ABCA10: variants seen among roughly 807,000 people sequenced by gnomAD.
ABCA10 encodes the protein ATP-binding cassette sub-family A member 10.
In ABCA10, 169 loss-of-function variants were observed where a neutral mutation model predicts 187.5. That is an observed-to-expected ratio of 0.90 (90% CI 0.80 to 1.02). The LOEUF is 1.02. ABCA10 is among the 50% of genes least tolerant of loss of function. ABCA10 has a pLI of 0.00. For synonymous variants in ABCA10, 574 were observed against 601.8 expected (o/e 0.95, Z 0.68); for missense variants, 1,727 against 1,812.4 (o/e 0.95, Z 0.86).
At chr17:69,237,940 A>G (rs2074881908) in intron 1 of ABCA10, among the ~76,000 whole-genome samples, 1 of 152,106 alleles carries the variant, frequency 6.6e-6, no homozygotes, top group Admixed American at 6.6e-5. Flanking sequence ...AGGTGGGTGG[A>G]TTATGAGGTC....
intron 19 of ABCA10, 57 bp from the exon 20 acceptor site, chr17:69,185,700 G>A: frequency 7.1e-7 from 1 of 1,402,496 alleles, no homozygotes; most frequent in Non-Finnish European, 9.8e-7. Context: ...GGTTATTTAA[G>A]TCACAAAGAT....
intron 22 of ABCA10, among the ~76,000 whole-genome samples, chr17:69,176,460 A>T (rs2074334586): frequency 6.6e-6 from 1 of 152,148 alleles, no homozygotes; most frequent in Non-Finnish European, 1.5e-5. Context: ...TTTTTGTCAT[A>T]AATGCAGGTG....
chr17:69,197,733 C>T (rs1159180208), intron 10 of ABCA10, among the ~76,000 whole-genome samples: 1 of 152,198 alleles, frequency 6.6e-6, no homozygotes, highest in African/African-American at 2.4e-5. Flanking sequence ...CTGGCTTCTA[C>T]ACTTTGGTTC....
chr17:69,153,839 A>C lies in ABCA10; in HGVS notation c.3957T>G (p.Ser1319Arg). Residue 1319 changes from serine to arginine, a missense_variant, in exon 32 of 39, where the codon AGT (serine) becomes AGG (arginine). Transcript: ENST00000690296. ...GAGACTTCTCTCTGTACCGTGAAATACTGAGAGCAGCATCTTCTTTGCCCA... is the reference window on the plus strand; with the variant it reads ...GAGACTTCTCTCTGTACCGTGAAATCCTGAGAGCAGCATCTTCTTTGCCCA... ...KGLGKEDAAL[S>R]ISRLVEALKL... The C allele has an allele frequency of 3.1e-6, 5 of 1,613,144 alleles. No individual in the cohort carries two copies. Among genetic ancestry groups the C allele is most frequent in the Non-Finnish European group, 4.2e-6 (5 of 1,179,594 alleles).
chr17:69,191,316 C>T lies in ABCA10; in HGVS notation c.1872-1G>A, dbSNP rs370216868. On this transcript the variant is annotated splice_acceptor_variant, in intron 16 of 38. Coordinates refer to ENST00000690296, the MANE Select transcript of ABCA10 (RefSeq NM_001377321.1). LOFTEE classifies it high-confidence loss of function. ...GTCACACATTTCATTCCTGTGTAAA[C>T]TATTATTTCAAAAGAGCCATAAGTC... The T allele has an allele frequency of 6.5e-7, 1 of 1,535,378 alleles. No individual in the cohort carries two copies. Among genetic ancestry groups the T allele is most frequent in the Middle Eastern group, 1.7e-4 (1 of 5,820 alleles).
At chr17:69,155,209 T>C (rs2074164537) in intron 29 of ABCA10, 73 bp from the exon 30 acceptor site, 1 of 1,223,972 alleles carries the variant, frequency 8.2e-7, no homozygotes, top group East Asian at 2.3e-5. Flanking sequence ...TTATTTTCCA[T>C]TCCCTAGTCT....
At chr17:69,227,688 C>T (rs2074805105) in intron 1 of ABCA10, among the ~76,000 whole-genome samples, 1 of 151,878 alleles carries the variant, frequency 6.6e-6, no homozygotes, top group South Asian at 2.1e-4. Context: ...TTTGCAGTTC[C>T]TTGTCAGTCA....
chr17:69,193,959 G>T lies in ABCA10; in HGVS notation c.1376C>A (p.Ser459Tyr). Reference sequence around the variant, plus strand: ...AATTTCTTCCATGTCAGTTATTTCAGAGAGTTGAGTATTATAAATAGTGGC... The same window carrying T: ...AATTTCTTCCATGTCAGTTATTTCATAGAGTTGAGTATTATAAATAGTGGC... ...GSATIYNTQL[S>Y]EITDMEEIRK... The change falls in exon 13 of 39, where the codon TCT (serine) becomes TAT (tyrosine). Residue 459 changes from serine (S) to tyrosine (Y), a missense_variant. Ser to Tyr is a moderately radical substitution (Grantham distance 144). Transcript: ENST00000690296. 1 of 1,606,094 alleles carries T rather than the reference G, an allele frequency of 6.2e-7. No individual in the cohort carries two copies. Among genetic ancestry groups the T allele is most frequent in the South Asian group, 1.1e-5 (1 of 90,772 alleles).
chr17:69,196,471 C>G (rs987195492), intron 11 of ABCA10: 5 of 176,664 alleles, frequency 2.8e-5, no homozygotes, highest in African/African-American at 1.2e-4. Flanking sequence ...GGGGCAGAGA[C>G]GCTCCTCACT....
At chr17:69,227,506 T>C (rs954799523) in intron 1 of ABCA10, among the ~76,000 whole-genome samples, 2 of 151,936 alleles carry the variant, frequency 1.3e-5, no homozygotes, top group Admixed American at 6.6e-5. Flanking sequence ...ATAAAGGAGA[T>C]AGTATATAAG....
At chr17:69,208,543 T>A (rs1403444527) in intron 9 of ABCA10, among the ~76,000 whole-genome samples, 1 of 152,014 alleles carries the variant, frequency 6.6e-6, no homozygotes, top group Non-Finnish European at 1.5e-5. Flanking sequence ...AATATACAAC[T>A]TATTTCTTCC....
At chr17:69,222,385 C>T (rs2074756075) in intron 4 of ABCA10, 148 bp downstream of exon 4, 3 of 629,056 alleles carry the variant, frequency 4.8e-6, no homozygotes, top group African/African-American at 1.9e-5. Flanking sequence ...TAATGAGACT[C>T]ATCCTAAGTT....
chr17:69,170,522 TAATTAA>T (rs2074290869), intron 25 of ABCA10, among the ~76,000 whole-genome samples: 1 of 150,906 alleles, frequency 6.6e-6, no homozygotes, highest in Admixed American at 6.6e-5. Flanking sequence ...TTGTAAGGAG[TAATTAA>T]ACACTTCCTG....
intron 27 of ABCA10, 127 bp downstream of exon 27, chr17:69,163,947 T>C: frequency 1.6e-6 from 1 of 611,334 alleles, no homozygotes; most frequent in East Asian, 3.4e-5. Flanking sequence ...GCTGCCATTA[T>C]ATTGGAATGG....
At chr17:69,235,001 C>G (rs1334817058) in intron 1 of ABCA10, 1 of 152,110 alleles carries the variant, frequency 6.6e-6, no homozygotes. Flanking sequence ...AAAAAATTAA[C>G]TAATTTTTCT....
chr17:69,167,156 T>A (rs923962270), intron 25 of ABCA10, among the ~76,000 whole-genome samples: 3 of 152,214 alleles, frequency 2.0e-5, no homozygotes, highest in African/African-American at 7.2e-5. Context: ...ATTTTGCTAC[T>A]GGACAGCACC....
Position 69,216,241 on chromosome 17 carries a change from G to C in ABCA10, c.648C>G (p.Leu216=), listed in dbSNP as rs369392318. 6.2e-7 allele frequency: 1 copy of C among 1,613,414 alleles called. No individual in the cohort carries two copies. ...CCAAAGAAAGGCCATATAAGCTATAGAGTGTGAATATCACCATGAAGCCAG... is the reference window on the plus strand; with the variant it reads ...CCAAAGAAAGGCCATATAAGCTATACAGTGTGAATATCACCATGAAGCCAG... The part of the protein sequence containing the change: ...FHTGFMVIFT[L]YSLYGLSLIA... Residue 216 remains leucine, a synonymous_variant, in exon 7 of 39, where the codon CTC becomes CTG. Transcript: ENST00000690296.
chr17:69,153,336 C>G lies in ABCA10; in HGVS notation c.4105G>C (p.Gly1369Arg), dbSNP rs779392624. The change falls in exon 34 of 39, where the codon GGG becomes CGG. Residue 1369 changes from glycine (G) to arginine (R), a missense_variant. Transcript: ENST00000690296. ...TGCTGCTGCCCCTCGGGGTCCATCC[C>G]GGTGAACGGCTCATCTAGAAGCACC... is the stretch of plus-strand genomic sequence containing the variant. ...SVVLLDEPFT[G>R]MDPEGQQQMW... The G allele has an allele frequency of 3.1e-6, 5 of 1,613,132 alleles. No homozygotes were observed. Among genetic ancestry groups the G allele is most frequent in the Non-Finnish European group, 4.2e-6 (5 of 1,179,520 alleles).
At chr17:69,187,026 C>T (rs1224601726) in intron 19 of ABCA10, among the ~76,000 whole-genome samples, 1 of 151,960 alleles carries the variant, frequency 6.6e-6, no homozygotes, top group Non-Finnish European at 1.5e-5. Flanking sequence ...AGTAGTAAAA[C>T]TGTGCCCCAA....
Sources: gnomAD v4.1 joint callset for allele counts (sites outside exome capture counted in the v4.1 genomes callset) on GRCh38, gnomAD v4.1.1 for gene constraint, MANE v1.5 for transcripts, NCBI Gene and HGNC (gene_info 2026-07-23, HGNC 2026-07-21) for gene names.